SLC35F1: variants seen among roughly 807,000 people sequenced by gnomAD.
The protein encoded by SLC35F1 is solute carrier family 35 member F1.
A neutral mutation model predicts 48.7 loss-of-function variants in SLC35F1; 14 were observed. That is an observed-to-expected ratio of 0.29 (90% confidence interval 0.19 to 0.45). The LOEUF (loss-of-function observed/expected upper bound fraction) is 0.45. Ranked by LOEUF, SLC35F1 falls within the 20% of genes least tolerant of loss-of-function variation. SLC35F1 has a pLI of 1.00. For synonymous variants in SLC35F1, 190 were observed against 202.2 expected (o/e 0.94, Z 0.51); for missense variants, 404 against 500.0 (o/e 0.81, Z 1.83).
At chr6:117,928,083 C>T (rs2114809580) in intron 1 of SLC35F1, among the ~76,000 whole-genome samples, 1 of 152,222 alleles carries the variant, frequency 6.6e-6, no homozygotes, top group African/African-American at 2.4e-5. Flanking sequence ...TCATTGCTCC[C>T]ATTCCAGAAA....
chr6:118,021,292 A>G (rs1012861128), intron 1 of SLC35F1, among the ~76,000 whole-genome samples: 6 of 152,186 alleles, frequency 3.9e-5, no homozygotes, highest in African/African-American at 1.4e-4. Context: ...GATGCTGTAG[A>G]CTGGTACTGA....
At chr6:118,302,445 T>A (rs1181686090) in intron 7 of SLC35F1, among the ~76,000 whole-genome samples, 1 of 152,226 alleles carries the variant, frequency 6.6e-6, no homozygotes, top group Non-Finnish European at 1.5e-5. Flanking sequence ...GAGACTGGTA[T>A]ACACACAGGC....
intron 2 of SLC35F1, among the ~76,000 whole-genome samples, chr6:118,216,309 T>A (rs1262154665): frequency 1.3e-5 from 2 of 151,744 alleles, no homozygotes; most frequent in African/African-American, 2.4e-5. Context: ...CTCAAACTCC[T>A]GGCTTCAAAA....
chr6:117,944,576 A>AAC (rs1413215739), intron 1 of SLC35F1, among the ~76,000 whole-genome samples: 6 of 118,338 alleles, frequency 5.1e-5, no homozygotes, highest in Admixed American at 9.8e-5. Flanking sequence ...CCTCTCCCAA[A>AAC]ACACACACAT....
chr6:117,948,959 T>G (rs540610697), intron 1 of SLC35F1, among the ~76,000 whole-genome samples: 4 of 152,068 alleles, frequency 2.6e-5, no homozygotes, highest in Non-Finnish European at 5.9e-5. Flanking sequence ...AGGACAGAGT[T>G]TCAAAGACAT....
chr6:118,106,264 T>C (rs1056458128), intron 1 of SLC35F1, among the ~76,000 whole-genome samples: 48 of 152,196 alleles, frequency 3.2e-4, no homozygotes, highest in African/African-American at 1.1e-3. Context: ...TTTTAAACTA[T>C]GAATTCTTTC....
In SLC35F1 at chr6:118,016,130, A is replaced by G. The variant is rs562532808; in HGVS notation, c.173+108231A>G. ...CTAGTTTTCTTACTCAGTGAGTTCTACTTCTTGAGAATTCAGCTCAACCTT... is the reference window on the plus strand; with the variant it reads ...CTAGTTTTCTTACTCAGTGAGTTCTGCTTCTTGAGAATTCAGCTCAACCTT... On this transcript the variant is annotated intron_variant, in intron 1 of 7. Coordinates refer to ENST00000360388, the MANE Select transcript of SLC35F1 (RefSeq NM_001029858.4). 1.2e-4 allele frequency among the ~76,000 whole-genome samples: 18 copies of G among 152,314 alleles called. No individual in the cohort carries two copies. The South Asian group carries it at 1.9e-3, about 16-fold the overall frequency.
intron 1 of SLC35F1, among the ~76,000 whole-genome samples, chr6:118,060,588 T>A (rs1772523504): frequency 6.6e-6 from 1 of 152,180 alleles, no homozygotes; most frequent in Non-Finnish European, 1.5e-5. Flanking sequence ...AATATTAGGT[T>A]CACTTGATGA....
At chr6:118,184,999 A>G (rs1286706122) in intron 2 of SLC35F1, among the ~76,000 whole-genome samples, 1 of 152,170 alleles carries the variant, frequency 6.6e-6, no homozygotes, top group Admixed American at 6.5e-5. Context: ...TTGGCTGCAT[A>G]GCTCCTTCTT....
chr6:117,923,680 T>TATGTACATATATGTATATATACAC (rs1554216707), intron 1 of SLC35F1, among the ~76,000 whole-genome samples: 3 of 11,330 alleles, frequency 2.6e-4, no homozygotes, highest in Non-Finnish European at 5.0e-4. Context: ...TATATGTACA[T>TATGTACATATATGTATATATACAC]ATATACATAT....
At chr6:117,931,685 G>A (rs1582570323) in intron 1 of SLC35F1, among the ~76,000 whole-genome samples, 2 of 152,170 alleles carry the variant, frequency 1.3e-5, no homozygotes, top group South Asian at 2.1e-4. Context: ...GTGTGTCAAG[G>A]CTTCTCTGGA....
At chr6:117,930,919 A>G (rs1008360654) in intron 1 of SLC35F1, among the ~76,000 whole-genome samples, 4 of 152,214 alleles carry the variant, frequency 2.6e-5, no homozygotes, top group African/African-American at 7.2e-5. Context: ...ACAGGCACAG[A>G]ACAGGATTAA....
At chr6:117,915,624 T>A (rs1359303028) in intron 1 of SLC35F1, among the ~76,000 whole-genome samples, 1 of 152,156 alleles carries the variant, frequency 6.6e-6, no homozygotes, top group Non-Finnish European at 1.5e-5. Context: ...GAATTAAGGC[T>A]AGATTTGTAG....
chr6:118,013,264 A>T (rs1777275322), intron 1 of SLC35F1, among the ~76,000 whole-genome samples: 1 of 152,184 alleles, frequency 6.6e-6, no homozygotes, highest in Non-Finnish European at 1.5e-5. Flanking sequence ...AAGCTCGTCC[A>T]GGTGCCAGTT....
chr6:118,178,317 C>A (rs555133579), intron 2 of SLC35F1, among the ~76,000 whole-genome samples: 1 of 152,074 alleles, frequency 6.6e-6, no homozygotes, highest in Non-Finnish European at 1.5e-5. Context: ...AGGGGCCAAC[C>A]GCTTGCCCAT....
At chr6:118,311,056 C>T (rs1398345235) in intron 7 of SLC35F1, among the ~76,000 whole-genome samples, 2 of 152,116 alleles carry the variant, frequency 1.3e-5, no homozygotes, top group Non-Finnish European at 2.9e-5. Flanking sequence ...CCTGCCCACC[C>T]CAAGTTTATG....
At chr6:117,934,631 G>C (rs1776142022) in intron 1 of SLC35F1, among the ~76,000 whole-genome samples, 1 of 151,938 alleles carries the variant, frequency 6.6e-6, no homozygotes, top group South Asian at 2.1e-4. Flanking sequence ...GATTATATTT[G>C]GTTAAGATAT....
At chr6:118,308,381 A>G (rs899566084) in intron 7 of SLC35F1, among the ~76,000 whole-genome samples, 5 of 152,110 alleles carry the variant, frequency 3.3e-5, no homozygotes, top group South Asian at 2.1e-4. Context: ...TAAAAGTCTC[A>G]TTTTTCCCAG....
chr6:117,957,523 G>A (rs979054100), intron 1 of SLC35F1, among the ~76,000 whole-genome samples: 1 of 152,076 alleles, frequency 6.6e-6, no homozygotes, highest in African/African-American at 2.4e-5. Context: ...TTGTTCCTTT[G>A]GACTATTTAT....
Sources: gnomAD v4.1 joint callset for allele counts (sites outside exome capture counted in the v4.1 genomes callset) on GRCh38, gnomAD v4.1.1 for gene constraint, MANE v1.5 for transcripts, NCBI Gene and HGNC (gene_info 2026-07-23, HGNC 2026-07-21) for gene names.